Variants in PCDHGA7 observed in about 807,000 individuals in gnomAD.
PCDHGA7 encodes the protein protocadherin gamma subfamily A, 7.
Under a neutral mutation model 58.3 loss-of-function variants are expected in PCDHGA7, and 44 were observed. The ratio of observed to expected loss-of-function variants is 0.75; its 90% CI spans 0.59 to 0.97. PCDHGA7 has a LOEUF of 0.97. PCDHGA7 is among the 50% of genes least tolerant of loss of function. The pLI is 0.00. For missense variants in PCDHGA7, 1,266 were observed against 1,188.7 expected (o/e 1.06, Z -0.96); for synonymous variants, 516 against 504.2 (o/e 1.02, Z -0.31).
chr5:141,419,216 G>C, intron 1 of PCDHGA7: 3 of 1,613,886 alleles, frequency 1.9e-6, no homozygotes, highest in Admixed American at 1.7e-5. Flanking sequence ...GCCGGTTTTC[G>C]GACAGTCAGC....
chr5:141,403,773 A>T, intron 1 of PCDHGA7: 1 of 1,613,956 alleles, frequency 6.2e-7, no homozygotes, highest in South Asian at 1.1e-5. Context: ...GAGGGAATCA[A>T]CGGAAAAGTG....
At position 141,443,088 on chromosome 5, in the gene PCDHGA7, T is replaced by C. The variant is rs188899890; in HGVS notation, c.2425-51719T>C. On this transcript the variant is annotated intron_variant, in intron 1 of 3. Transcript: ENST00000518325. ...CGTCTTATGACTGAGTGTTCCAGTC[T>C]CCTTCTCAAGCTGAACCTTGCTTTT... is the stretch of plus-strand genomic sequence containing the variant. 2.9e-3 allele frequency among the ~76,000 whole-genome samples: 446 copies of C among 152,092 alleles called. 1 individual carries two copies. Among genetic ancestry groups the C allele is most frequent in the Middle Eastern group, 0.014 (4 of 294 alleles).
rs1297208780 is a variant in PCDHGA7 at position 141,486,613 on chromosome 5, T to C, written c.2425-8194T>C. 2 of 1,613,658 alleles carry C rather than the reference T, an allele frequency of 1.2e-6. No individual in the cohort carries two copies. The highest frequency in any genetic ancestry group is 2.7e-5 in the African/African-American group (2 of 75,074). On this transcript the variant is annotated intron_variant, in intron 1 of 3. Coordinates refer to ENST00000518325, the MANE Select transcript of PCDHGA7 (RefSeq NM_018920.4). The surrounding 1 kb of genome is among the most constrained non-coding windows in gnomAD (Gnocchi z 5.0). ...ACCTGCTTTGCTCCCTTGCAGCCTC[T>C]GACCCAGACTCTGGCTTGAATGCGC...
intron 1 of PCDHGA7, chr5:141,412,884 G>A: frequency 3.2e-6 from 1 of 311,540 alleles, no homozygotes. Flanking sequence ...TAATCCAACA[G>A]AATAGTTTAC....
chr5:141,505,270 G>A (rs550800630), intron 2 of PCDHGA7, 123 bp from the exon 3 acceptor site: 103 of 1,520,724 alleles, frequency 6.8e-5, no homozygotes, highest in Middle Eastern at 4.6e-4. Context: ...CTTGCTGAGA[G>A]AAACAGGTCT....
chr5:141,440,328 T>G (rs1311315077), intron 1 of PCDHGA7: 1 of 152,102 alleles, frequency 6.6e-6, no homozygotes. Context: ...TTACTGGGCA[T>G]GGTGGTGCAG....
chr5:141,447,650 TC>T (rs1036312126), intron 1 of PCDHGA7, among the ~76,000 whole-genome samples: 1 of 151,988 alleles, frequency 6.6e-6, no homozygotes, highest in Non-Finnish European at 1.5e-5. Context: ...GGTAGAATTT[TC>T]CCCCCCAGGA....
rs376661364 is a variant in PCDHGA7 at position 141,384,191 on chromosome 5, C to T, written c.1292C>T (p.Pro431Leu). The change falls in exon 1 of 4, where the codon CCC becomes CTC. Residue 431 changes from proline (P) to leucine (L), a missense_variant. Transcript: ENST00000518325. ...TLKATDGGTP[P>L]LSRETHIFMQ... is the part of the protein sequence containing the mutation. Reference sequence around the variant, plus strand: ...AAAGCCACAGATGGTGGAACTCCTCCCTTGTCCAGGGAAACTCACATATTC... The same window carrying T: ...AAAGCCACAGATGGTGGAACTCCTCTCTTGTCCAGGGAAACTCACATATTC... The T allele has an allele frequency of 1.9e-5, 30 of 1,613,842 alleles. No individual in the cohort carries two copies. Among genetic ancestry groups the T allele is most frequent in the Non-Finnish European group, 2.5e-5 (30 of 1,179,878 alleles).
At chr5:141,450,932 C>G (rs868373954) in intron 1 of PCDHGA7, among the ~76,000 whole-genome samples, 1 of 151,134 alleles carries the variant, frequency 6.6e-6, no homozygotes, top group Admixed American at 6.6e-5. Context: ...TCAAGCAATT[C>G]TCCTACCTCA....
At chr5:141,401,115 G>A (rs923480761) in intron 1 of PCDHGA7, among the ~76,000 whole-genome samples, 8 of 152,092 alleles carry the variant, frequency 5.3e-5, no homozygotes, top group Admixed American at 3.9e-4. Context: ...AGGCCGAGGC[G>A]GTTGGATCAC....
chr5:141,403,210 C>A (rs369033480), intron 1 of PCDHGA7: 2 of 1,613,828 alleles, frequency 1.2e-6, no homozygotes, highest in African/African-American at 2.7e-5. Context: ...CCTTGGTCAC[C>A]GCGGGTAGGA....
rs186490614 is a variant in PCDHGA7 at position 141,415,986 on chromosome 5, T to A, written c.2424+30663T>A. 2.6e-4 allele frequency: 85 copies of A among 328,664 alleles called. 1 individual carries two copies. The highest frequency in any genetic ancestry group is 1.7e-3 in the African/African-American group (80 of 46,398). 20.4% of individuals were successfully genotyped at this position (328,664 alleles called of 1,614,324 possible). On this transcript the variant is annotated intron_variant, in intron 1 of 3. Transcript: ENST00000518325. ...CCAGCCCCTTAAGCAACCCTCTTGT[T>A]CTGAAGGCAGGTCTGGTAAGAATAG...
chr5:141,459,076 C>T (rs1474375780), intron 1 of PCDHGA7, among the ~76,000 whole-genome samples: 1 of 152,144 alleles, frequency 6.6e-6, no homozygotes, highest in Non-Finnish European at 1.5e-5. Context: ...ATAAAATTTG[C>T]CTTTTAAAAT....
Position 141,384,243 on chromosome 5 carries a change from C to T in PCDHGA7, c.1344C>T (p.Asn448=). 1 of 1,613,880 alleles carries T rather than the reference C, an allele frequency of 6.2e-7. No homozygotes were observed. The highest frequency in any genetic ancestry group is 8.5e-7 in the Non-Finnish European group (1 of 1,179,892). Residue 448 remains asparagine, a synonymous_variant, in exon 1 of 4, where the codon AAC becomes AAT. Coordinates refer to ENST00000518325, the MANE Select transcript of PCDHGA7 (RefSeq NM_018920.4). ...TGCAGGTGGCAGACACCAACGATAACCCACCCACCTTCCCCCACTCATCCT... is the reference window on the plus strand; with the variant it reads ...TGCAGGTGGCAGACACCAACGATAATCCACCCACCTTCCCCCACTCATCCT... ...IFMQVADTND[N]PPTFPHSSYS...
chr5:141,489,222 A>C lies in PCDHGA7; in HGVS notation c.2425-5585A>C. On this transcript the variant is annotated intron_variant, in intron 1 of 3. Coordinates refer to ENST00000518325, the MANE Select transcript of PCDHGA7 (RefSeq NM_018920.4). The surrounding 1 kb of genome is among the most constrained non-coding windows in gnomAD (Gnocchi z 4.5). ...ACAGGACAGCACAGACTTACTCTCC[A>C]CAAAGGGACTTCTGGGTCATGGGGC... 6.6e-7 allele frequency: 1 copy of C among 1,515,652 alleles called. No individual in the cohort carries two copies. Among genetic ancestry groups the C allele is most frequent in the Middle Eastern group, 1.8e-4 (1 of 5,598 alleles). 93.9% of individuals were successfully genotyped at this position (1,515,652 alleles called of 1,614,324 possible).
rs369637121 is a variant in PCDHGA7 at position 141,388,619 on chromosome 5, C to G, written c.2424+3296C>G. ...ATAATGCTCCAGTGTTCAGTCAAGA[C>G]GTATACAGGGTGAGCCTTTCAGAAA... On this transcript the variant is annotated intron_variant, in intron 1 of 3. Transcript: ENST00000518325. 18 of 1,613,852 alleles carry G rather than the reference C, an allele frequency of 1.1e-5. No individual in the cohort carries two copies. The African/African-American group carries it at 1.7e-4, about 16-fold the overall frequency.
intron 1 of PCDHGA7, among the ~76,000 whole-genome samples, chr5:141,463,505 G>A (rs1213601894): frequency 7.3e-6 from 1 of 137,472 alleles, no homozygotes; most frequent in Non-Finnish European, 1.5e-5. Flanking sequence ...CTGGAGTGAC[G>A]TGGCGTGATC....
chr5:141,403,623 G>A (rs765775423), intron 1 of PCDHGA7: 1 of 1,613,898 alleles, frequency 6.2e-7, no homozygotes, highest in South Asian at 1.1e-5. Context: ...CGTCGCTCCA[G>A]CACAGTGCGC....
intron 1 of PCDHGA7, chr5:141,427,778 A>T: frequency 1.4e-6 from 2 of 1,436,676 alleles, no homozygotes; most frequent in Non-Finnish European, 1.9e-6. Context: ...AGCTGCGGGC[A>T]CTGTCGTCCT....
Sources: gnomAD v4.1 joint callset for allele counts (sites outside exome capture counted in the v4.1 genomes callset) on GRCh38, gnomAD v4.1.1 for gene constraint, Gnocchi (gnomAD v3.1) non-coding constraint, MANE v1.5 for transcripts, NCBI Gene and HGNC (gene_info 2026-07-23, HGNC 2026-07-21) for gene names.